HNRNPH1: variants seen among roughly 807,000 people sequenced by gnomAD.
HNRNPH1 encodes the protein heterogeneous nuclear ribonucleoprotein H.
HNRNPH1 carries 4 observed loss-of-function variants against 58.6 expected under a neutral mutation model. The ratio of observed to expected loss-of-function variants is 0.07; its 90% confidence interval spans 0.03 to 0.16. The LOEUF is 0.16. Among genes scored for constraint, HNRNPH1 ranks in the 10% least tolerant of loss-of-function variants. HNRNPH1 has a pLI of 1.00. For missense variants in HNRNPH1, 271 were observed against 564.2 expected (o/e 0.48, Z 5.26); for synonymous variants, 192 against 189.2 (o/e 1.01, Z -0.12).
In HNRNPH1 at chr5:179,623,053, C is replaced by T. The variant is rs745578528; in HGVS notation, c.81G>A (p.Val27=). The stretch of plus-strand genomic sequence containing the variant: ...CTAACTCACCAGAAAAAAACCTCTG[C>T]ACTTCATCGGCCGAGCAAGACCAGG... Residue 27 remains valine, a synonymous_variant, in exon 1 of 13, where the codon GTG becomes GTA. Coordinates refer to ENST00000356731, the Ensembl canonical transcript of HNRNPH1. 3.1e-6 allele frequency: 5 copies of T among 1,590,936 alleles called. No individual in the cohort carries two copies. The South Asian group carries it at 4.4e-5, about 14-fold the overall frequency.
chr5:179,630,933 G>A (rs1307578126), intron 2 of HNRNPH1, among the ~76,000 whole-genome samples: 71 of 148,416 alleles, frequency 4.8e-4, no homozygotes, highest in Non-Finnish European at 9.1e-4. Flanking sequence ...AACAAAAACA[G>A]CTCAAAAAAA....
chr5:179,634,103 G>A (rs1372706523), exon 2 of HNRNPH1: 1 of 147,448 alleles, frequency 6.8e-6, no homozygotes, highest in Non-Finnish European at 1.5e-5. Context: ...GTCTGGGCAG[G>A]CTTTGGCCAG....
chr5:179,622,535 A>G (rs1772978780), intron 1 of HNRNPH1, among the ~76,000 whole-genome samples: 1 of 152,062 alleles, frequency 6.6e-6, no homozygotes, highest in Non-Finnish European at 1.5e-5. Context: ...AAATAGTGAA[A>G]CCCCGTCTCT....
intron 2 of HNRNPH1, among the ~76,000 whole-genome samples, chr5:179,633,380 C>A (rs867798365): frequency 5.9e-5 from 9 of 151,830 alleles, no homozygotes; most frequent in Middle Eastern, 6.8e-3. Flanking sequence ...ACTGCAAGCT[C>A]CGCCTCCCGG....
chr5:179,630,921 GAAAC>G lies in HNRNPH1; in HGVS notation c.-32+3140_-32+3143del, dbSNP rs774862238. 7.2e-3 allele frequency among the ~76,000 whole-genome samples: 1,033 copies of G among 143,490 alleles called. 17 individuals carry two copies. Among genetic ancestry groups the G allele is most frequent in the African/African-American group, 0.024 (913 of 38,758 alleles). 94.1% of individuals were successfully genotyped at this position (143,490 alleles called of 152,430 possible). ...TCAAAAAAAAAAAAATCTCAAAAAA[GAAAC>G]AAAAACAGCTCAAAAAAAAAACAAA... On this transcript the variant is annotated intron_variant, in intron 2 of 4. Transcript: ENST00000521116.
At chr5:179,624,580 G>A (rs1316356808) in exon 1 of HNRNPH1, 1 of 398,662 alleles carries the variant, frequency 2.5e-6, no homozygotes, top group Non-Finnish European at 4.4e-6. Context: ...CCATTCACCA[G>A]GCGTAGACGC....
chr5:179,628,902 AC>A (rs1390551165), upstream of HNRNPH1, among the ~76,000 whole-genome samples: 4 of 152,040 alleles, frequency 2.6e-5, no homozygotes, highest in African/African-American at 9.6e-5. Context: ...GATGGCTTGA[AC>A]CCCAGAGACA....
intron 2 of HNRNPH1, among the ~76,000 whole-genome samples, chr5:179,631,972 A>T (rs1206692990): frequency 6.6e-6 from 1 of 152,078 alleles, no homozygotes; most frequent in Non-Finnish European, 1.5e-5. Context: ...CGCCTCCGGG[A>T]CCTGCTCGGG....
At chr5:179,616,310 A>T in intron 10 of HNRNPH1, 92 bp from the exon 12 acceptor site, 2 of 1,020,474 alleles carry the variant, frequency 2.0e-6, no homozygotes, top group Non-Finnish European at 3.1e-6. Context: ...ATCATTTTCC[A>T]GTCTTGATCT....
chr5:179,623,157 G>T, exon 1 of HNRNPH1: 1 of 1,543,262 alleles, frequency 6.5e-7, no homozygotes. Flanking sequence ...GTCCGGCGTC[G>T]AAACAAACTG....
intron 3 of HNRNPH1, 158 bp downstream of exon 4, chr5:179,620,734 G>A (rs1337938595): frequency 1.6e-6 from 1 of 627,266 alleles, no homozygotes; most frequent in Non-Finnish European, 2.8e-6. Context: ...CTTTAAGATG[G>A]GCTTAAATTA....
exon 2 of HNRNPH1, chr5:179,621,364 C>T (rs1279886927): frequency 1.2e-6 from 2 of 1,613,542 alleles, no homozygotes; most frequent in African/African-American, 1.3e-5. Flanking sequence ...GTAGATGAAA[C>T]GAATACCTTG....
At chr5:179,620,739 A>C in intron 3 of HNRNPH1, 153 bp downstream of exon 4, 2 of 645,728 alleles carry the variant, frequency 3.1e-6, no homozygotes, top group Non-Finnish European at 5.4e-6. Context: ...AGATGGGCTT[A>C]AATTATTTGA....
intron 8 of HNRNPH1, 51 bp from the exon 10 acceptor site, chr5:179,617,161 G>C: frequency 6.5e-7 from 1 of 1,539,310 alleles, no homozygotes; most frequent in Non-Finnish European, 9.0e-7. Flanking sequence ...AAACAAAACA[G>C]AATAAGCACT....
chr5:179,615,378 C>A (rs1013467616), intron 12 of HNRNPH1, 168 bp downstream of exon 13: 5 of 507,600 alleles, frequency 9.9e-6, no homozygotes, highest in Non-Finnish European at 1.8e-5. Context: ...TTTTCCTATT[C>A]ATGGTGGGCA....
At chr5:179,618,051 C>T in exon 6 of HNRNPH1, 1 of 1,614,044 alleles carries the variant, frequency 6.2e-7, no homozygotes, top group Non-Finnish European at 8.5e-7. Context: ...ATCATCATAG[C>T]CTCCATAGCC....
upstream of HNRNPH1, among the ~76,000 whole-genome samples, chr5:179,628,837 C>T (rs1033767800): frequency 5.9e-5 from 9 of 151,842 alleles, no homozygotes; most frequent in Non-Finnish European, 7.4e-5. Context: ...ATAAATTAAC[C>T]GGGTGTGGTG....
chr5:179,631,761 T>C (rs1581774775), intron 2 of HNRNPH1, among the ~76,000 whole-genome samples: 2 of 152,024 alleles, frequency 1.3e-5, no homozygotes, highest in South Asian at 4.2e-4. Context: ...AAATTTTTTT[T>C]TTAAATATTA....
chr5:179,629,860 T>TA (rs1315248226), intron 2 of HNRNPH1, among the ~76,000 whole-genome samples: 1 of 128,824 alleles, frequency 7.8e-6, no homozygotes, highest in Non-Finnish European at 1.8e-5. Flanking sequence ...CCGTCTCTAC[T>TA]AAAAAAATAC....
Sources: gnomAD v4.1 joint callset for allele counts (sites outside exome capture counted in the v4.1 genomes callset) on GRCh38, gnomAD v4.1.1 for gene constraint, MANE v1.5 for transcripts, NCBI Gene and HGNC (gene_info 2026-07-23, HGNC 2026-07-21) for gene names.